Variants in NCAM1 observed in about 807,000 individuals in gnomAD.
NCAM1 encodes antigen recognized by monoclonal antibody 5.1H11.
NCAM1 carries 14 observed loss-of-function variants against 109.8 expected under a neutral mutation model. The ratio of observed to expected loss-of-function variants is 0.13; its 90% confidence interval spans 0.08 to 0.20. The LOEUF (loss-of-function observed/expected upper bound fraction) is 0.20, where lower values mean the gene tolerates loss of function less well. Ranked by LOEUF, NCAM1 falls within the 10% of genes least tolerant of loss-of-function variation. The pLI, the probability that NCAM1 is intolerant of heterozygous loss-of-function variation, is 1.00. For synonymous variants in NCAM1, 418 were observed against 442.9 expected, an observed-to-expected ratio of 0.94 and a Z score of 0.70; for missense variants, 774 against 1,109.9, an observed-to-expected ratio of 0.70 and a Z score of 4.30.
chr11:113,275,481 CACACACAA>C lies in NCAM1; in HGVS notation c.*102_*109del. On this transcript the variant is annotated 3_prime_UTR_variant, in exon 20 of 20. Coordinates refer to ENST00000316851, the MANE Select transcript of NCAM1 (RefSeq NM_181351.5). ...CACCACAGACACACACACGCACGCA[CACACACAA>C]ACACACATGCACACACACACATCTC... 1 of 1,392,100 alleles carries C rather than the reference CACACACAA, an allele frequency of 7.2e-7. No individual in the cohort carries two copies. Among genetic ancestry groups the C allele is most frequent in the Non-Finnish European group, 9.8e-7 (1 of 1,016,238 alleles). The allele number at this position is 1,392,100 out of a possible 1,614,324, so 86.2% of individuals were successfully genotyped here.
chr11:113,055,974 A>T (rs1953682924), intron 1 of NCAM1, among the ~76,000 whole-genome samples: 1 of 92,276 alleles, frequency 1.1e-5, no homozygotes, highest in African/African-American at 3.9e-5. Context: ...GATAAAGAAA[A>T]TGTGATATAT....
intron 1 of NCAM1, among the ~76,000 whole-genome samples, chr11:113,113,800 G>C (rs1436158751): frequency 1.3e-5 from 2 of 152,034 alleles, no homozygotes; most frequent in Non-Finnish European, 2.9e-5. Context: ...GTCTTAGATA[G>C]ATATTCTCTT....
At chr11:113,092,669 T>C (rs1303332997) in intron 1 of NCAM1, among the ~76,000 whole-genome samples, 1 of 152,186 alleles carries the variant, frequency 6.6e-6, no homozygotes, top group Non-Finnish European at 1.5e-5. Flanking sequence ...GATCATCTTT[T>C]TTCCATCCTG....
At chr11:113,200,573 C>T (rs781980574) in intron 1 of NCAM1, among the ~76,000 whole-genome samples, 69 of 152,168 alleles carry the variant, frequency 4.5e-4, no homozygotes, top group African/African-American at 1.5e-3. Context: ...TCTGGGGCCA[C>T]GCTAGCCCTA....
intron 1 of NCAM1, among the ~76,000 whole-genome samples, chr11:113,091,725 G>A (rs1555089405): frequency 6.6e-6 from 1 of 152,132 alleles, no homozygotes; most frequent in East Asian, 1.9e-4. Context: ...CTTGGGGCCT[G>A]GAAAGTAGGG....
At chr11:113,173,875 A>C (rs899819278) in intron 1 of NCAM1, among the ~76,000 whole-genome samples, 8 of 152,108 alleles carry the variant, frequency 5.3e-5, no homozygotes, top group African/African-American at 1.9e-4. Context: ...CTTTATGAGT[A>C]AAGATGGTGG....
chr11:112,982,403 G>A (rs1265421271), intron 1 of NCAM1, among the ~76,000 whole-genome samples: 1 of 151,950 alleles, frequency 6.6e-6, no homozygotes, highest in Admixed American at 6.6e-5. Flanking sequence ...TCATCAGATG[G>A]GGAAGTAAGG....
intron 1 of NCAM1, among the ~76,000 whole-genome samples, chr11:112,977,848 T>A (rs1178724426): frequency 6.6e-6 from 1 of 151,884 alleles, no homozygotes; most frequent in Non-Finnish European, 1.5e-5. Flanking sequence ...AAAGGAAGCT[T>A]GCCTTATTTG....
chr11:113,242,954 A>C (rs1945378131), intron 14 of NCAM1: 3 of 1,589,380 alleles, frequency 1.9e-6, no homozygotes, highest in Non-Finnish European at 1.7e-6. Flanking sequence ...TAAAAGCAAC[A>C]GTTGTGAATG....
rs370900616 is a variant in NCAM1, at chr11:113,271,879, A to G, written c.2456+3A>G. 7 of 1,557,788 alleles carry G rather than the reference A, an allele frequency of 4.5e-6. No homozygotes were observed. In the South Asian group the frequency reaches 5.9e-5, roughly 13 times the overall value. On this transcript the variant is annotated splice_donor_region_variant and intron_variant, in intron 19 of 19. Transcript: ENST00000316851. ...ACCACGCCACTGACGGAGCCCGAGTACGTGGGCTGGGAGGGGCTGGCACCT... is the reference window on the plus strand; with the variant it reads ...ACCACGCCACTGACGGAGCCCGAGTGCGTGGGCTGGGAGGGGCTGGCACCT...
chr11:113,062,142 G>A (rs1555083517), intron 1 of NCAM1, among the ~76,000 whole-genome samples: 1 of 152,178 alleles, frequency 6.6e-6, no homozygotes, highest in Non-Finnish European at 1.5e-5. Context: ...TTTACCACTA[G>A]CGATGTTTAG....
At chr11:113,094,040 C>T (rs781791078) in intron 1 of NCAM1, among the ~76,000 whole-genome samples, 17 of 152,264 alleles carry the variant, frequency 1.1e-4, no homozygotes, top group Non-Finnish European at 2.4e-4. Flanking sequence ...ATAAAACAAT[C>T]AATAGCAGAT....
chr11:113,260,250 T>C lies in NCAM1; in HGVS notation c.2058T>C (p.Ala686=). ...CTGAGTATGAGGTCTACGTGGTGGC[T>C]GAGAACCAGCAAGGAAAATCCAAGG... The part of the protein sequence containing the change: ...WNAEYEVYVV[A]ENQQGKSKAA... Residue 686 remains alanine (A), a synonymous_variant, in exon 17 of 20, where the codon GCT becomes GCC. Coordinates refer to ENST00000316851, the MANE Select transcript of NCAM1 (RefSeq NM_181351.5). 6.2e-7 allele frequency: 1 copy of C among 1,614,010 alleles called. No homozygotes were observed. The highest frequency in any genetic ancestry group is 2.2e-5 in the East Asian group (1 of 44,876).
chr11:112,994,814 T>C (rs1343807719), intron 1 of NCAM1, among the ~76,000 whole-genome samples: 1 of 152,354 alleles, frequency 6.6e-6, no homozygotes, highest in African/African-American at 2.4e-5. Flanking sequence ...GGCACTATTT[T>C]GTACCTGCTT....
In NCAM1 at chr11:113,014,826, G is replaced by C. The variant is rs368521344; in HGVS notation, c.52+53162G>C. ...AACATAAGCTCACGCAAATCTGAGA[G>C]TGGGAACCAGGGGACAGGGCCTAGC... On this transcript the variant is annotated intron_variant, in intron 1 of 19. Coordinates refer to ENST00000316851, the MANE Select transcript of NCAM1 (RefSeq NM_181351.5). 7.9e-5 allele frequency among the ~76,000 whole-genome samples: 12 copies of C among 152,342 alleles called. 1 individual carries two copies. In the South Asian group the frequency reaches 2.3e-3, roughly 29 times the overall value.
chr11:113,023,833 A>G (rs1409763182), intron 1 of NCAM1, among the ~76,000 whole-genome samples: 2 of 152,182 alleles, frequency 1.3e-5, no homozygotes, highest in Non-Finnish European at 2.9e-5. Flanking sequence ...GGACTCTAGC[A>G]TTCAATAAAC....
chr11:113,228,930 A>G (rs558500552), intron 9 of NCAM1, among the ~76,000 whole-genome samples: 2 of 152,310 alleles, frequency 1.3e-5, no homozygotes, highest in African/African-American at 4.8e-5. Context: ...ACAAAAATTA[A>G]TTCAAGATGG....
chr11:113,149,688 G>T (rs562194518), intron 1 of NCAM1, among the ~76,000 whole-genome samples: 1 of 152,074 alleles, frequency 6.6e-6, no homozygotes, highest in African/African-American at 2.4e-5. Flanking sequence ...TTAGTGTTTC[G>T]TTTAATTACT....
intron 17 of NCAM1, 64 bp downstream of exon 17, chr11:113,260,387 T>C: frequency 6.6e-7 from 1 of 1,522,516 alleles, no homozygotes. Flanking sequence ...CTGCACCTCC[T>C]AATGCGCCTG....
Sources: allele counts gnomAD v4.1 joint callset (sites outside exome capture counted in the v4.1 genomes callset), GRCh38; gene constraint gnomAD v4.1.1; transcripts MANE v1.5; gene names NCBI Gene and HGNC (gene_info 2026-07-23, HGNC 2026-07-21).